The following SH3D21 variants were observed in gnomAD, a reference collection of about 807,000 sequenced individuals.
The protein encoded by SH3D21 is SH3 domain-containing protein 21.
Under a neutral mutation model 82.1 loss-of-function variants are expected in SH3D21, and 83 were observed. The observed-to-expected ratio is 1.01, with a 90% CI of 0.85 to 1.21. SH3D21 has a LOEUF of 1.21. SH3D21 is among the 50% of genes most tolerant of loss of function. SH3D21 has a pLI of 0.00. For missense variants in SH3D21, 980 were observed against 962.1 expected (o/e 1.02, Z -0.25); for synonymous variants, 383 against 387.8 (o/e 0.99, Z 0.15).
At position 36,307,229 on chromosome 1, in the gene SH3D21, G is replaced by T; in HGVS notation, c.289G>T (p.Glu97Ter). The T allele has an allele frequency of 6.4e-7, 1 of 1,551,808 alleles. No homozygotes were observed. Among genetic ancestry groups the T allele is most frequent in the Non-Finnish European group, 8.7e-7 (1 of 1,147,024 alleles). The change falls in exon 4 of 16, where the codon GAG (glutamate) becomes TAG (stop). Residue 97 changes from glutamate (E) to a stop codon, truncating the protein, a stop_gained. Coordinates refer to ENST00000453908, the MANE Select transcript of SH3D21 (RefSeq NM_001162530.2). LOFTEE classifies it high-confidence loss of function. The surrounding 1 kb of genome is among the most constrained non-coding windows in gnomAD (Gnocchi z 5.4). ...CAAAGTGAACTTCAGCTACAGCCCA[G>T]AGCAGGCGGACGAGCTGAAGCTGCA... The part of the protein sequence containing the change: ...WCKVNFSYSP[E>*]QADELKLQAG...
chr1:36,324,385 C>T (rs1304039500), downstream of SH3D21: 1 of 152,298 alleles, frequency 6.6e-6, no homozygotes, highest in Non-Finnish European at 1.5e-5. Flanking sequence ...ACGCATTTCC[C>T]ACCTGGGCTT....
downstream of SH3D21, chr1:36,322,898 A>G: frequency 2.5e-6 from 4 of 1,571,536 alleles, no homozygotes; most frequent in Non-Finnish European, 8.7e-7. Context: ...GGGACGGACA[A>G]GGCGCTGGGG....
At chr1:36,326,507 G>T (rs1415998387), downstream of SH3D21, among the ~76,000 whole-genome samples, 2 of 152,216 alleles carry the variant, frequency 1.3e-5, no homozygotes, top group African/African-American at 4.8e-5. Flanking sequence ...TGGAATTACA[G>T]GTGTGAGCCA....
At chr1:36,325,727 G>A (rs1646535986), downstream of SH3D21, among the ~76,000 whole-genome samples, 2 of 152,122 alleles carry the variant, frequency 1.3e-5, no homozygotes, top group African/African-American at 2.4e-5. Flanking sequence ...TGTATTTTTA[G>A]TAGAGACCGG....
intron 10 of SH3D21, among the ~76,000 whole-genome samples, chr1:36,311,003 G>A (rs1646228964): frequency 6.6e-6 from 1 of 151,836 alleles, no homozygotes; most frequent in South Asian, 2.1e-4. Flanking sequence ...CTGCCTCCCA[G>A]GTTCAAGCGA....
rs755290162 is a variant in SH3D21, at chr1:36,308,167, G to A, written c.597G>A (p.Glu199=). ...LFDYQPEAPD[E]LALRRGDVVK... ...ACTACCAGCCTGAGGCCCCAGACGA[G>A]TTGGCGCTGCGGAGGGGGGACGTGG... The change falls in exon 8 of 16, where the codon GAG becomes GAA. Residue 199 remains glutamate, a synonymous_variant. Transcript: ENST00000453908. 10 of 1,549,544 alleles carry A rather than the reference G, an allele frequency of 6.5e-6. 1 individual carries two copies. In the South Asian group the frequency reaches 9.6e-5, roughly 15 times the overall value.
At chr1:36,328,090 C>G (rs979696323), downstream of SH3D21, 5 of 458,364 alleles carry the variant, frequency 1.1e-5, no homozygotes, top group East Asian at 3.5e-4. Context: ...TGCTTCTCTG[C>G]CCTCCTATCT....
In SH3D21 at chr1:36,307,429, G is replaced by C. The variant is rs1279703717; in HGVS notation, c.346-88G>C. 4.0e-6 allele frequency: 6 copies of C among 1,509,726 alleles called. No homozygotes were observed. The highest frequency in any genetic ancestry group is 2.0e-5 in the Admixed American group (1 of 49,664). The allele number at this position is 1,509,726 out of a possible 1,614,324, so 93.5% of individuals were successfully genotyped here. A position where few individuals can be genotyped will look rare whatever the true frequency, so the allele number is the denominator to read the frequency against. On this transcript the variant is annotated intron_variant, in intron 4 of 15. Transcript: ENST00000453908. The surrounding 1 kb of genome is among the most constrained non-coding windows in gnomAD (Gnocchi z 5.4). ...GCGCGGGAGGGAAGGAGGGAGGAAG[G>C]GGCGCTTGGGCAGAACCAAGGGTGG...
downstream of SH3D21, chr1:36,327,825 C>G: frequency 7.8e-7 from 1 of 1,287,542 alleles, no homozygotes; most frequent in South Asian, 1.2e-5. Context: ...TCCCTGAAAC[C>G]TTTGGCCAAT....
At chr1:36,322,808 G>GT, downstream of SH3D21, 1 of 1,491,546 alleles carries the variant, frequency 6.7e-7, no homozygotes, top group South Asian at 1.2e-5. Flanking sequence ...GGTTCTAGGT[G>GT]TGGGGGCGAG....
At position 36,306,605 on chromosome 1, in the gene SH3D21, C is replaced by G. The variant is rs746978642; in HGVS notation, c.12C>G (p.Leu4=). 2 of 1,302,762 alleles carry G rather than the reference C, an allele frequency of 1.5e-6. No homozygotes were observed. Among genetic ancestry groups the G allele is most frequent in the Non-Finnish European group, 2.0e-6 (2 of 988,680 alleles). The allele number at this position is 1,302,762 out of a possible 1,614,324, so 80.7% of individuals were successfully genotyped here. ...CCCGTCTTCCGCCCGCAGAAGTCCT[C>G]GTCCTGGCCGGATACCGCGCGCAGA... MEV[L]VLAGYRAQKE... The change falls in exon 2 of 16, where the codon CTC becomes CTG. Residue 4 remains leucine (L), a synonymous_variant. Coordinates refer to ENST00000453908, the MANE Select transcript of SH3D21 (RefSeq NM_001162530.2). The surrounding 1 kb of genome is among the most constrained non-coding windows in gnomAD (Gnocchi z 4.5).
At chr1:36,312,109 C>A (rs1646252003) in intron 10 of SH3D21, among the ~76,000 whole-genome samples, 1 of 151,518 alleles carries the variant, frequency 6.6e-6, no homozygotes, top group Admixed American at 6.6e-5. Context: ...ACTGCAAGCT[C>A]CGCCTCCCGG....
downstream of SH3D21, chr1:36,321,805 TGC>T (rs1646468728): frequency 4.0e-6 from 4 of 1,004,240 alleles, no homozygotes; most frequent in Non-Finnish European, 4.7e-6. This position sits in a 1 kb window ranked among gnomAD's most constrained non-coding sequence, Gnocchi z 6.1. Context: ...GAATAAGGAA[TGC>T]GCGCGCGCTT....
chr1:36,327,245 G>T (rs147500029), downstream of SH3D21, among the ~76,000 whole-genome samples: 109 of 152,310 alleles, frequency 7.2e-4, 2 homozygotes, highest in East Asian at 0.013. Flanking sequence ...AGTTTCTGTG[G>T]GTTGTATTCC....
chr1:36,309,477 C>T (rs376490008), intron 9 of SH3D21, 71 bp from the exon 10 acceptor site: 381 of 1,531,402 alleles, frequency 2.5e-4, no homozygotes, highest in Non-Finnish European at 3.2e-4. Flanking sequence ...TGAGCCACCA[C>T]GCCTGGCCTG....
At position 36,320,538 on chromosome 1, in the gene SH3D21, AGAG is replaced by A; in HGVS notation, c.1880_1882del (p.Glu627del). ...TCCCCAAAGAGGGAGTGGCTTCCAA[AGAG>A]GAGGTGACCCTGAAAGAGGAATTGC... On this transcript the variant is annotated inframe_deletion, in exon 14 of 16. Coordinates refer to ENST00000453908, the MANE Select transcript of SH3D21 (RefSeq NM_001162530.2). 6.2e-7 allele frequency: 1 copy of A among 1,614,080 alleles called. No individual in the cohort carries two copies.
intron 10 of SH3D21, among the ~76,000 whole-genome samples, 155 bp from the exon 11 acceptor site, chr1:36,318,916 T>G (rs1646391897): frequency 6.9e-6 from 1 of 144,050 alleles, no homozygotes; most frequent in Admixed American, 6.9e-5. Context: ...ATAATAATAA[T>G]AATAATAATA....
In SH3D21 at chr1:36,320,618, C is replaced by T. The variant is rs1646435874; in HGVS notation, c.1955C>T (p.Ala652Val). The change falls in exon 14 of 16, where the codon GCC becomes GTC. Residue 652 changes from alanine to valine, a missense_variant. Coordinates refer to ENST00000453908, the MANE Select transcript of SH3D21 (RefSeq NM_001162530.2). ...GAGGAGGTGCCCCCCATAGAAAGAG[C>T]CTTTGCCCAAAAAACACGTCCTATC... The part of the protein sequence containing the change: ...PKEEVPPIER[A>V]FAQKTRPIKP... The T allele has an allele frequency of 1.2e-6, 2 of 1,614,252 alleles. No homozygotes were observed. Among genetic ancestry groups the T allele is most frequent in the Non-Finnish European group, 1.7e-6 (2 of 1,180,044 alleles).
At chr1:36,311,400 C>T (rs74842223) in intron 10 of SH3D21, among the ~76,000 whole-genome samples, 4 of 152,066 alleles carry the variant, frequency 2.6e-5, no homozygotes, top group Admixed American at 6.6e-5. Flanking sequence ...GCCATCACGC[C>T]CAGCTAATTT....
Sources: gnomAD v4.1 joint callset for allele counts (sites outside exome capture counted in the v4.1 genomes callset) on GRCh38, gnomAD v4.1.1 for gene constraint, Gnocchi (gnomAD v3.1) non-coding constraint, MANE v1.5 for transcripts, NCBI Gene and HGNC (gene_info 2026-07-23, HGNC 2026-07-21) for gene names.